The following RYR3 variants were observed in gnomAD, a reference collection of about 807,000 sequenced individuals.
The protein encoded by RYR3 is brain ryanodine receptor-calcium release channel.
Under a neutral mutation model 584.3 loss-of-function variants are expected in RYR3, and 207 were observed. That is an observed-to-expected ratio of 0.35 (90% CI 0.32 to 0.40). RYR3 has a LOEUF of 0.40. Among genes scored for constraint, RYR3 ranks in the 10% least tolerant of loss-of-function variants. The pLI, the probability that RYR3 is intolerant of heterozygous loss-of-function variation, is 1.00. For missense variants in RYR3, 5,616 were observed against 6,089.2 expected (o/e 0.92, Z 2.59); for synonymous variants, 2,416 against 2,248.5 (o/e 1.07, Z -2.11).
chr15:33,590,071 G>T (rs972123833), intron 16 of RYR3, among the ~76,000 whole-genome samples: 13 of 151,948 alleles, frequency 8.6e-5, no homozygotes, highest in African/African-American at 3.1e-4. Flanking sequence ...GTCAAAGGGG[G>T]TTGTTCTCTT....
chr15:33,729,398 A>T (rs1371981771), intron 47 of RYR3, among the ~76,000 whole-genome samples: 1 of 152,086 alleles, frequency 6.6e-6, no homozygotes, highest in Non-Finnish European at 1.5e-5. Context: ...ATATCACCAG[A>T]TGTCCCCTCG....
At chr15:33,688,460 C>G (rs1261428757) in intron 38 of RYR3, among the ~76,000 whole-genome samples, 1 of 151,356 alleles carries the variant, frequency 6.6e-6, no homozygotes, top group Non-Finnish European at 1.5e-5. Context: ...GTAGTCCCAG[C>G]TACTTGGGAG....
chr15:33,614,244 G>C (rs61121099), intron 19 of RYR3, among the ~76,000 whole-genome samples: 4,242 of 152,176 alleles, frequency 0.028, 173 homozygotes, highest in African/African-American at 0.091. Context: ...TAACTGCAGA[G>C]ATATTAATGT....
At position 33,536,756 on chromosome 15, in the gene RYR3, A is replaced by G. The variant is rs765697818; in HGVS notation, c.434-2594A>G. Among the ~76,000 whole-genome samples, 55 of 152,230 alleles carry G rather than the reference A, an allele frequency of 3.6e-4. 1 individual carries two copies. Among genetic ancestry groups the G allele is most frequent in the Admixed American group, 1.3e-4 (2 of 15,280 alleles). On this transcript the variant is annotated intron_variant, in intron 5 of 103. Transcript: ENST00000634891. ...ACTCACACATAGATTAAAGAGAGAA[A>G]TAGTGCTCCTGAGCTTATTATAAAC...
At chr15:33,739,243 G>C (rs1418363820) in intron 50 of RYR3, among the ~76,000 whole-genome samples, 1 of 152,188 alleles carries the variant, frequency 6.6e-6, no homozygotes, top group African/African-American at 2.4e-5. Context: ...CATGCACATA[G>C]CTTGTTCACC....
Position 33,601,570 on chromosome 15 carries a change from A to G in RYR3, c.1922+18A>G, listed in dbSNP as rs1443133493. ...GTAACCAGGTAAGGCCACCACCACC[A>G]TTCCAAATGCCAAGCATAGTTCTGC... On this transcript the variant is annotated intron_variant, in intron 17 of 103. Transcript: ENST00000634891. 1 of 1,613,282 alleles carries G rather than the reference A, an allele frequency of 6.2e-7. No homozygotes were observed. Among genetic ancestry groups the G allele is most frequent in the Non-Finnish European group, 8.5e-7 (1 of 1,179,432 alleles).
intron 64 of RYR3, among the ~76,000 whole-genome samples, chr15:33,776,868 A>G (rs1206964667): frequency 3.9e-5 from 6 of 152,264 alleles, no homozygotes; most frequent in African/African-American, 4.8e-5. Flanking sequence ...GGAAAGTGCT[A>G]CTTGTCAAAT....
At chr15:33,399,606 C>A (rs1279586890) in intron 1 of RYR3, among the ~76,000 whole-genome samples, 1 of 152,122 alleles carries the variant, frequency 6.6e-6, no homozygotes, top group Non-Finnish European at 1.5e-5. Context: ...CCACTGCACT[C>A]CAGCCTGGGC....
chr15:33,766,288 G>GAAAAAAAAAAAA (rs66478931), intron 60 of RYR3, among the ~76,000 whole-genome samples: 2 of 134,040 alleles, frequency 1.5e-5, no homozygotes, highest in South Asian at 2.3e-4. Flanking sequence ...ACCTCAAAAA[G>GAAAAAAAAAAAA]AAAAAAAAAA....
At chr15:33,856,058 C>T (rs768714682) in intron 98 of RYR3, 2 of 152,190 alleles carry the variant, frequency 1.3e-5, no homozygotes, top group Non-Finnish European at 1.5e-5. Flanking sequence ...CCTGGTAAGG[C>T]ACACGTTAAG....
intron 85 of RYR3, among the ~76,000 whole-genome samples, chr15:33,830,584 T>A (rs1428966413): frequency 6.6e-6 from 1 of 151,912 alleles, no homozygotes; most frequent in African/African-American, 2.4e-5. Context: ...AATCTCTACA[T>A]GCCTGTATAT....
rs116758289 is a variant in RYR3 at position 33,857,991 on chromosome 15, G to A, written c.14142+77G>A. 2.4e-3 allele frequency: 3,809 copies of A among 1,579,518 alleles called. 78 individuals are homozygous for A. In the African/African-American group the frequency reaches 0.046, roughly 19 times the overall value. ...CCCCACCACCTCACTGGGAAGAAGGGCTGTGTGGGGGTGCTCTTGAGAACT... is the reference window on the plus strand; with the variant it reads ...CCCCACCACCTCACTGGGAAGAAGGACTGTGTGGGGGTGCTCTTGAGAACT... On this transcript the variant is annotated intron_variant, in intron 99 of 103. Coordinates refer to ENST00000634891, the MANE Select transcript of RYR3 (RefSeq NM_001036.6).
chr15:33,818,476 T>C (rs912624072), intron 75 of RYR3, 102 bp from the exon 76 acceptor site: 36 of 774,982 alleles, frequency 4.6e-5, no homozygotes, highest in East Asian at 3.4e-4. Flanking sequence ...TTTAGTCTGA[T>C]GCACTCTGTG....
At chr15:33,644,737 C>T (rs1352411705) in intron 28 of RYR3, among the ~76,000 whole-genome samples, 2 of 152,208 alleles carry the variant, frequency 1.3e-5, no homozygotes, top group Non-Finnish European at 2.9e-5. Flanking sequence ...CACATAAAAC[C>T]TTACAGATCA....
chr15:33,425,878 G>A lies in RYR3; in HGVS notation c.52-47541G>A, dbSNP rs78556851. Among the ~76,000 whole-genome samples, 1,126 of 152,108 alleles carry A rather than the reference G, an allele frequency of 7.4e-3. 5 individuals are homozygous for A. Among genetic ancestry groups the A allele is most frequent in the East Asian group, 0.031 (161 of 5,158 alleles). On this transcript the variant is annotated intron_variant, in intron 1 of 103. Coordinates refer to ENST00000634891, the MANE Select transcript of RYR3 (RefSeq NM_001036.6). Reference sequence around the variant, plus strand: ...AGGATGGTCTCAATCTCCTGACCTCGTGATCCGCCCGCCTTGGCCTCCCAA... The same window carrying A: ...AGGATGGTCTCAATCTCCTGACCTCATGATCCGCCCGCCTTGGCCTCCCAA...
intron 1 of RYR3, among the ~76,000 whole-genome samples, chr15:33,436,109 G>C (rs1281345869): frequency 6.6e-6 from 1 of 152,150 alleles, no homozygotes; most frequent in Non-Finnish European, 1.5e-5. Context: ...AGTCCAGCTG[G>C]CTTCACCTCT....
rs751516213 is a variant in RYR3, at chr15:33,722,799, AG to A, written c.6710del (p.Gly2237GlufsTer57). 4.3e-6 allele frequency: 7 copies of A among 1,612,978 alleles called. No homozygotes were observed. The highest frequency in any genetic ancestry group is 2.7e-5 in the African/African-American group (2 of 74,892). On this transcript the variant is annotated frameshift_variant, in exon 44 of 104. Transcript: ENST00000634891. LOFTEE classifies it high-confidence loss of function. ...TGCTTCGGCCCGGCCCTGCGGGGTGAGGGGGGAAACGGGCTCTTGGCAGCCA... is the reference window on the plus strand; with the variant it reads ...TGCTTCGGCCCGGCCCTGCGGGGTGAGGGGGAAACGGGCTCTTGGCAGCCA... ...PECFGPALRG[E>X]GGNGLLAAMQ...
chr15:33,413,872 G>C (rs1165410979), intron 1 of RYR3, among the ~76,000 whole-genome samples: 6 of 152,130 alleles, frequency 3.9e-5, no homozygotes, highest in Non-Finnish European at 8.8e-5. Flanking sequence ...ATAACTTAGA[G>C]TATTGTCATA....
intron 10 of RYR3, among the ~76,000 whole-genome samples, chr15:33,550,851 A>G (rs887829120): frequency 5.3e-5 from 8 of 152,176 alleles, no homozygotes; most frequent in Non-Finnish European, 8.8e-5. Flanking sequence ...AGTTATTAAT[A>G]TCTATATGAT....
Sources: allele counts gnomAD v4.1 joint callset (sites outside exome capture counted in the v4.1 genomes callset), GRCh38; gene constraint gnomAD v4.1.1; transcripts MANE v1.5; gene names NCBI Gene and HGNC (gene_info 2026-07-23, HGNC 2026-07-21).